The following CMC2 variants were observed in gnomAD, a reference collection of about 807,000 sequenced individuals.
CMC2 encodes the protein C-X9-C motif containing 2.
CMC2 carries 5 observed loss-of-function variants against 7.5 expected under a neutral mutation model. The ratio of observed to expected loss-of-function variants is 0.66; its 90% CI spans 0.35 to 1.40. CMC2 has a LOEUF of 1.40. Among genes scored for constraint, CMC2 ranks in the 40% most tolerant of loss-of-function variants. The pLI, the probability that CMC2 is intolerant of heterozygous loss-of-function variation, is 0.04. For synonymous variants in CMC2, 37 were observed against 31.4 expected (o/e 1.18, Z -0.60); for missense variants, 115 against 92.3 (o/e 1.25, Z -1.01).
chr16:80,999,822 G>T (rs1025937817), intron 1 of CMC2, among the ~76,000 whole-genome samples: 1 of 152,156 alleles, frequency 6.6e-6, no homozygotes, highest in African/African-American at 2.4e-5. Flanking sequence ...TTCAATAAAT[G>T]GTGCTGGGAT....
At chr16:81,003,520 C>G (rs1371482069) in intron 1 of CMC2, among the ~76,000 whole-genome samples, 1 of 152,132 alleles carries the variant, frequency 6.6e-6, no homozygotes, top group Admixed American at 6.5e-5. Context: ...AGAAACTAAG[C>G]CCCAGGTCAC....
chr16:80,968,191 CAGTT>C lies in CMC2; in HGVS notation c.*7898_*7901del, dbSNP rs1199126434. The C allele has an allele frequency of 2.0e-5, 3 of 152,096 alleles. No individual in the cohort carries two copies. The highest frequency in any genetic ancestry group is 1.3e-4 in the Admixed American group (2 of 15,260). 9.4% of individuals were successfully genotyped at this position (152,096 alleles called of 1,614,324 possible). On this transcript the variant is annotated 3_prime_UTR_variant, in exon 4 of 4. Coordinates refer to ENST00000219400, the MANE Select transcript of CMC2 (RefSeq NM_020188.5). ...GGGATTTCATTAAAATGCAGATTCT[CAGTT>C]AGTAGGTCAGGGTGGGGTCTAAAAC...
intron 2 of CMC2, chr16:80,988,658 AT>A: frequency 1.4e-6 from 1 of 695,826 alleles, no homozygotes; most frequent in Non-Finnish European, 2.6e-6. Context: ...GGAAATTAAC[AT>A]TAACACTAGT....
intron 2 of CMC2, among the ~76,000 whole-genome samples, chr16:80,985,705 C>T (rs1967463440): frequency 6.6e-6 from 1 of 151,922 alleles, no homozygotes; most frequent in Non-Finnish European, 1.5e-5. Context: ...TATGATGCTA[C>T]TCAAACAGAG....
At position 80,972,304 on chromosome 16, in the gene CMC2, G is replaced by T. The variant is rs1001106968; in HGVS notation, c.*3789C>A. 1 of 152,172 alleles carries T rather than the reference G, an allele frequency of 6.6e-6. No individual in the cohort carries two copies. The highest frequency in any genetic ancestry group is 1.5e-5 in the Non-Finnish European group (1 of 68,038). 9.4% of individuals were successfully genotyped at this position (152,172 alleles called of 1,614,324 possible). ...AAGGGGCACAAATTTCAATATCAGG[G>T]TTTCAATATCAGGGTGTAGTGAAAG... On this transcript the variant is annotated 3_prime_UTR_variant, in exon 4 of 4. Coordinates refer to ENST00000219400, the MANE Select transcript of CMC2 (RefSeq NM_020188.5).
Position 80,970,251 on chromosome 16 carries a change from G to A in CMC2, c.*5842C>T, listed in dbSNP as rs890042118. 2.0e-5 allele frequency: 3 copies of A among 152,086 alleles called. No homozygotes were observed. Among genetic ancestry groups the A allele is most frequent in the Non-Finnish European group, 2.9e-5 (2 of 68,014 alleles). 9.4% of individuals were successfully genotyped at this position (152,086 alleles called of 1,614,324 possible). ...CCAGAAAATGGATGCTTCATGGACC[G>A]TCTCTCTCTCAATTTAAGTCAATTC... On this transcript the variant is annotated 3_prime_UTR_variant, in exon 4 of 4. Transcript: ENST00000219400.
chr16:81,006,052 A>G (rs1969298434), intron 1 of CMC2, among the ~76,000 whole-genome samples: 1 of 152,220 alleles, frequency 6.6e-6, no homozygotes, highest in African/African-American at 2.4e-5. Flanking sequence ...GCATCACAAC[A>G]TAATTCCTTT....
intron 2 of CMC2, among the ~76,000 whole-genome samples, chr16:80,987,856 A>G (rs147737604): frequency 1.3e-5 from 2 of 152,276 alleles, no homozygotes; most frequent in South Asian, 2.1e-4. Context: ...CTTAGGTAAT[A>G]TAATTCACTC....
At chr16:81,000,989 A>G (rs898243979) in intron 1 of CMC2, among the ~76,000 whole-genome samples, 2 of 152,240 alleles carry the variant, frequency 1.3e-5, no homozygotes, top group Non-Finnish European at 2.9e-5. Context: ...ATATGTACAT[A>G]TACACCATGG....
intron 2 of CMC2, among the ~76,000 whole-genome samples, chr16:80,989,316 C>T (rs920532930): frequency 6.6e-6 from 1 of 152,176 alleles, no homozygotes; most frequent in Non-Finnish European, 1.5e-5. Context: ...TGGCATTCTA[C>T]TGTAAGGGAA....
intron 1 of CMC2, among the ~76,000 whole-genome samples, chr16:81,000,624 A>G (rs139629610): frequency 0.018 from 2,747 of 152,356 alleles, 52 homozygotes; most frequent in East Asian, 0.054. Flanking sequence ...CATCAGAGAA[A>G]TGCAAATCAA....
intron 2 of CMC2, among the ~76,000 whole-genome samples, chr16:80,990,763 G>A (rs1189390943): frequency 6.6e-6 from 1 of 151,960 alleles, no homozygotes. Context: ...CTGTCACCCA[G>A]GCTGGAATGC....
chr16:80,989,243 TTAC>T (rs1967785049), intron 2 of CMC2, among the ~76,000 whole-genome samples: 1 of 152,220 alleles, frequency 6.6e-6, no homozygotes, highest in African/African-American at 2.4e-5. Flanking sequence ...ACTAAATCAA[TTAC>T]TACTACAACA....
At chr16:80,996,998 C>A in intron 2 of CMC2, 1 of 471,356 alleles carries the variant, frequency 2.1e-6, no homozygotes, top group Non-Finnish European at 4.1e-6. Flanking sequence ...AGTGTCAGCG[C>A]TGAATATAAC....
At chr16:80,985,767 T>C (rs1264974298) in intron 2 of CMC2, among the ~76,000 whole-genome samples, 1 of 151,902 alleles carries the variant, frequency 6.6e-6, no homozygotes, top group Non-Finnish European at 1.5e-5. Context: ...AACGACCAAC[T>C]AAGCTGAAGA....
intron 1 of CMC2, among the ~76,000 whole-genome samples, chr16:80,999,903 G>C (rs1041312590): frequency 1.3e-5 from 2 of 152,160 alleles, no homozygotes; most frequent in Non-Finnish European, 2.9e-5. Context: ...ATTAACTCTA[G>C]ATAGATTACA....
intron 3 of CMC2, among the ~76,000 whole-genome samples, chr16:80,977,228 AAG>A (rs905660620): frequency 1.3e-5 from 2 of 152,204 alleles, no homozygotes; most frequent in Non-Finnish European, 2.9e-5. Context: ...TTTTCACCTC[AAG>A]AGGTTTTCAG....
At chr16:81,004,464 T>G (rs1182816294) in intron 1 of CMC2, among the ~76,000 whole-genome samples, 2 of 152,196 alleles carry the variant, frequency 1.3e-5, no homozygotes, top group East Asian at 3.9e-4. Flanking sequence ...AGTTTGTCAG[T>G]CTCATCTTTA....
intron 2 of CMC2, chr16:80,983,334 T>C (rs1182803892): frequency 6.6e-6 from 1 of 152,204 alleles, no homozygotes; most frequent in Non-Finnish European, 1.5e-5. Context: ...AATGAACAAA[T>C]TATCCTGGTT....
Sources: gnomAD v4.1 joint callset for allele counts (sites outside exome capture counted in the v4.1 genomes callset) on GRCh38, gnomAD v4.1.1 for gene constraint, MANE v1.5 for transcripts, NCBI Gene and HGNC (gene_info 2026-07-23, HGNC 2026-07-21) for gene names.